The following EIF3E variants were observed in gnomAD, a reference collection of about 807,000 sequenced individuals.
EIF3E encodes the protein eukaryotic translation initiation factor 3 subunit E, also known as eIF-3 p48.
Under a neutral mutation model 59.3 loss-of-function variants are expected in EIF3E, and 25 were observed. The observed-to-expected ratio is 0.42, with a 90% CI of 0.31 to 0.59. The LOEUF (loss-of-function observed/expected upper bound fraction) is 0.59. EIF3E is among the 20% of genes least tolerant of loss of function. EIF3E has a pLI of 0.15. For missense variants in EIF3E, 317 were observed against 534.3 expected (o/e 0.59, Z 4.01); for synonymous variants, 176 against 170.2 (o/e 1.03, Z -0.26).
intron 1 of EIF3E, among the ~76,000 whole-genome samples, chr8:108,246,616 T>C (rs1024215729): frequency 6.6e-5 from 10 of 152,108 alleles, no homozygotes; most frequent in African/African-American, 2.4e-4. Context: ...ACACAACTTT[T>C]TTTCAATAAA....
At position 108,214,688 on chromosome 8, in the gene EIF3E, G is replaced by C; in HGVS notation, c.980C>G (p.Ala327Gly). ...SVLVNDFFLV[A>G]CLEDFIENAR... ...ATTTTCAATGAAATCCTCAAGACAA[G>C]CCACCAAGAAGAAGTCATTCACAAG... is the stretch of plus-strand genomic sequence containing the variant. The change falls in exon 10 of 13, where the codon GCT becomes GGT. Residue 327 changes from alanine to glycine, a missense_variant. Physicochemically the swap from Ala to Gly is moderately conservative, Grantham distance 60 (BLOSUM62 0). Around this residue, in one of 4 missense-constraint regions of EIF3E, gnomAD observed 242 missense variants for 398.0 expected, o/e 0.61. Coordinates refer to ENST00000220849, the MANE Select transcript of EIF3E (RefSeq NM_001568.3). The C allele has an allele frequency of 6.2e-7, 1 of 1,609,428 alleles. No individual in the cohort carries two copies. The highest frequency in any genetic ancestry group is 8.5e-7 in the Non-Finnish European group (1 of 1,178,948).
At chr8:108,213,037 G>A (rs902140425) in intron 10 of EIF3E, among the ~76,000 whole-genome samples, 5 of 152,062 alleles carry the variant, frequency 3.3e-5, no homozygotes, top group African/African-American at 7.2e-5. Context: ...AAATCTACAC[G>A]GAGAAAAGTC....
chr8:108,208,654 T>C (rs1308192100), intron 10 of EIF3E, among the ~76,000 whole-genome samples: 1 of 152,042 alleles, frequency 6.6e-6, no homozygotes, highest in East Asian at 1.9e-4. Flanking sequence ...TTAAGAAAAA[T>C]ATTAAGAACT....
chr8:108,202,970 G>A lies in EIF3E; in HGVS notation c.1299+13C>T. On this transcript the variant is annotated intron_variant, in intron 12 of 12. Coordinates refer to ENST00000220849, the MANE Select transcript of EIF3E (RefSeq NM_001568.3). Reference sequence around the variant, plus strand: ...CTAAACCCCAGACAGAATAGAAGATGTGTGGTTCTTACCTCTGACCTGCTA... The same window carrying A: ...CTAAACCCCAGACAGAATAGAAGATATGTGGTTCTTACCTCTGACCTGCTA... The A allele has an allele frequency of 4.4e-6, 7 of 1,608,804 alleles. No individual in the cohort carries two copies. The highest frequency in any genetic ancestry group is 5.9e-6 in the Non-Finnish European group (7 of 1,177,634).
At chr8:108,202,863 G>A in intron 12 of EIF3E, 120 bp downstream of exon 12, 1 of 1,170,426 alleles carries the variant, frequency 8.5e-7, no homozygotes, top group East Asian at 2.6e-5. Flanking sequence ...TCTTAAAAAT[G>A]TTCATATCTT....
At chr8:108,232,815 T>C (rs1815648271) in intron 5 of EIF3E, among the ~76,000 whole-genome samples, 1 of 152,190 alleles carries the variant, frequency 6.6e-6, no homozygotes, top group Admixed American at 6.5e-5. Context: ...TTTCCAGCAG[T>C]TACCTTAAGT....
At position 108,235,351 on chromosome 8, in the gene EIF3E, G is replaced by A. The variant is rs573562499; in HGVS notation, c.367-249C>T. Among the ~76,000 whole-genome samples, 10 of 152,312 alleles carry A rather than the reference G, an allele frequency of 6.6e-5. No homozygotes were observed. The South Asian group carries it at 2.1e-3, about 32-fold the overall frequency. ...AATGGGGGCTGGGGTCGGGGAGGTG[G>A]TTTCAGGATGAACTGTTCCACCTCA... is the stretch of plus-strand genomic sequence containing the variant. On this transcript the variant is annotated intron_variant, in intron 4 of 12. Coordinates refer to ENST00000220849, the MANE Select transcript of EIF3E (RefSeq NM_001568.3).
rs367565960 is a variant in EIF3E, at chr8:108,201,930, T to C, written c.1300-7A>G. The C allele has an allele frequency of 6.3e-7, 1 of 1,576,218 alleles. No homozygotes were observed. Among genetic ancestry groups the C allele is most frequent in the Non-Finnish European group, 8.6e-7 (1 of 1,161,398 alleles). ...GAGTTGCCCAGTTAGGAGCCTAAAA[T>C]ATGCAAAAAGAAATCAACACCGTGA... On this transcript the variant is annotated splice_region_variant and splice_polypyrimidine_tract_variant and intron_variant, in intron 12 of 12. Coordinates refer to ENST00000220849, the MANE Select transcript of EIF3E (RefSeq NM_001568.3).
intron 10 of EIF3E, 24 bp downstream of exon 10, chr8:108,214,583 C>CA: frequency 6.6e-7 from 1 of 1,511,262 alleles, no homozygotes; most frequent in Non-Finnish European, 8.9e-7. Context: ...GTAGAAAATC[C>CA]AAATCAAATC....
At chr8:108,233,836 C>CAA (rs35065360) in intron 5 of EIF3E, among the ~76,000 whole-genome samples, 8 of 74,028 alleles carry the variant, frequency 1.1e-4, no homozygotes, top group South Asian at 6.0e-4. Flanking sequence ...GACCCTGTCT[C>CAA]AAAAAAAAAA....
At chr8:108,243,093 C>A (rs1738748630) in intron 1 of EIF3E, among the ~76,000 whole-genome samples, 2 of 152,132 alleles carry the variant, frequency 1.3e-5, no homozygotes, top group South Asian at 4.1e-4. Flanking sequence ...AATGAGAAAA[C>A]AAACCACAGC....
chr8:108,240,791 C>T (rs1244988314), intron 2 of EIF3E, among the ~76,000 whole-genome samples: 1 of 152,072 alleles, frequency 6.6e-6, no homozygotes, highest in Admixed American at 6.5e-5. Flanking sequence ...ACCAGCCTGG[C>T]CAATATGGTG....
intron 3 of EIF3E, 27 bp downstream of exon 3, chr8:108,239,931 T>C (rs1366123827): frequency 6.5e-7 from 1 of 1,540,334 alleles, no homozygotes; most frequent in South Asian, 1.1e-5. Context: ...GGAGAATTTT[T>C]AGAATTCAAA....
intron 7 of EIF3E, among the ~76,000 whole-genome samples, chr8:108,220,126 G>A (rs1380677727): frequency 4.0e-5 from 6 of 150,056 alleles, no homozygotes; most frequent in Non-Finnish European, 5.9e-5. Flanking sequence ...CCTGGGCGAC[G>A]GAGCAAGACT....
At chr8:108,248,342 T>C (rs1011898963) in intron 1 of EIF3E, among the ~76,000 whole-genome samples, 27 of 151,992 alleles carry the variant, frequency 1.8e-4, no homozygotes. Context: ...CGAGAAGAAA[T>C]GATGCGAAAA....
chr8:108,204,144 C>T (rs1286400066), intron 10 of EIF3E, among the ~76,000 whole-genome samples: 1 of 151,900 alleles, frequency 6.6e-6, no homozygotes, highest in Non-Finnish European at 1.5e-5. Flanking sequence ...GGTCCTAGAA[C>T]CAGTCCCCCA....
intron 5 of EIF3E, chr8:108,233,729 T>C (rs1815665618): frequency 3.2e-5 from 10 of 312,542 alleles, no homozygotes; most frequent in South Asian, 2.5e-4. Context: ...CTTGTAGTCC[T>C]AGCTATTCAG....
At position 108,221,203 on chromosome 8, in the gene EIF3E, C is replaced by T. The variant is rs150346710; in HGVS notation, c.723-3743G>A. 3.8e-3 allele frequency among the ~76,000 whole-genome samples: 572 copies of T among 152,258 alleles called. 3 individuals are homozygous for T. Among genetic ancestry groups the T allele is most frequent in the South Asian group, 5.6e-3 (27 of 4,820 alleles). On this transcript the variant is annotated intron_variant, in intron 7 of 12. Coordinates refer to ENST00000220849, the MANE Select transcript of EIF3E (RefSeq NM_001568.3). The stretch of plus-strand genomic sequence containing the variant: ...TAGAGCAGGGTCTCATTCTGTCACC[C>T]AGGCTGAAGTGCAGTGAAATGATCA...
chr8:108,205,061 T>C (rs1033077353), intron 10 of EIF3E, among the ~76,000 whole-genome samples: 1 of 152,146 alleles, frequency 6.6e-6, no homozygotes, highest in Non-Finnish European at 1.5e-5. Flanking sequence ...TACATGCATG[T>C]ATGTATGTGT....
Sources: allele counts gnomAD v4.1 joint callset (sites outside exome capture counted in the v4.1 genomes callset), GRCh38; gene constraint gnomAD v4.1.1; regional missense constraint gnomAD v4.1.1; transcripts MANE v1.5; gene names NCBI Gene and HGNC (gene_info 2026-07-23, HGNC 2026-07-21).